The following PRAG1 variants were observed in gnomAD, a reference collection of about 807,000 sequenced individuals.
PRAG1 encodes the protein PEAK1 related, kinase-activating pseudokinase 1, also known as inactive tyrosine-protein kinase PRAG1.
In PRAG1, 110 loss-of-function variants were observed where a neutral mutation model predicts 95.6. That is an observed-to-expected ratio of 1.15 (90% confidence interval 0.99 to 1.35). The LOEUF (loss-of-function observed/expected upper bound fraction) is 1.35. Among genes scored for constraint, PRAG1 ranks in the 40% most tolerant of loss-of-function variants. The pLI is 0.00. For synonymous variants in PRAG1, 1,052 were observed against 819.4 expected, an observed-to-expected ratio of 1.28 and a Z score of -4.85; for missense variants, 2,554 against 1,864.7, an observed-to-expected ratio of 1.37 and a Z score of -6.81.
intron 3 of PRAG1, among the ~76,000 whole-genome samples, chr8:8,350,458 G>T (rs996256473): frequency 6.6e-6 from 1 of 152,206 alleles, no homozygotes; most frequent in East Asian, 1.9e-4. Flanking sequence ...GGAGCAGATG[G>T]GAAGAAAAGG....
chr8:8,333,461 G>C (rs1429053063), intron 4 of PRAG1, among the ~76,000 whole-genome samples: 4 of 152,216 alleles, frequency 2.6e-5, no homozygotes, highest in Non-Finnish European at 5.9e-5. Context: ...AGGTGCACTA[G>C]TTTGGTGTCA....
chr8:8,376,507 A>C lies in PRAG1; in HGVS notation c.1902T>G (p.Ser634Arg). Residue 634 changes from serine (S) to arginine (R), a missense_variant, in exon 3 of 6, where the codon AGT (serine) becomes AGG (arginine). Physicochemically the swap from Ser to Arg is moderately radical, Grantham distance 110 (BLOSUM62 -1). Transcript: ENST00000615670. ...CTTCTTCCTCTATCCGGCACTGACGACTCCAGGTGCCTGCCTGGAACCTGG... is the reference window on the plus strand; with the variant it reads ...CTTCTTCCTCTATCCGGCACTGACGCCTCCAGGTGCCTGCCTGGAACCTGG... ...RRPRFQAGTW[S>R]RQCRIEEEEE... 6.2e-7 allele frequency: 1 copy of C among 1,609,626 alleles called. No individual in the cohort carries two copies. Among genetic ancestry groups the C allele is most frequent in the Non-Finnish European group, 8.5e-7 (1 of 1,177,222 alleles).
At chr8:8,386,297 T>C (rs1173626939) in intron 1 of PRAG1, 24 bp downstream of exon 1, 1 of 152,158 alleles carries the variant, frequency 6.6e-6, no homozygotes, top group Non-Finnish European at 1.5e-5. Context: ...GAGGCCGAAT[T>C]TGGAGAGCGC....
At chr8:8,365,024 A>G (rs764504663) in intron 3 of PRAG1, among the ~76,000 whole-genome samples, 5 of 152,170 alleles carry the variant, frequency 3.3e-5, no homozygotes, top group Non-Finnish European at 5.9e-5. Flanking sequence ...ATTTGAAGAA[A>G]GGATACCAAG....
chr8:8,384,889 C>G (rs984949681), intron 1 of PRAG1, among the ~76,000 whole-genome samples: 5 of 152,170 alleles, frequency 3.3e-5, no homozygotes, highest in African/African-American at 1.2e-4. Context: ...AAGAGCTCAG[C>G]ATTCTTTCTG....
chr8:8,362,884 G>C (rs1799886600), intron 3 of PRAG1, among the ~76,000 whole-genome samples: 1 of 152,112 alleles, frequency 6.6e-6, no homozygotes, highest in Non-Finnish European at 1.5e-5. Flanking sequence ...GGTAAAGACT[G>C]TGCAGAACAA....
intron 4 of PRAG1, among the ~76,000 whole-genome samples, chr8:8,329,621 C>G (rs1798756244): frequency 6.6e-6 from 1 of 152,158 alleles, no homozygotes; most frequent in African/African-American, 2.4e-5. Context: ...AGTCTTGTGT[C>G]ACCTCACTCA....
chr8:8,345,086 TGTGTG>T (rs1799290926), intron 3 of PRAG1, among the ~76,000 whole-genome samples: 1 of 150,062 alleles, frequency 6.7e-6, no homozygotes, highest in African/African-American at 2.5e-5. Context: ...TGTGTGTGTG[TGTGTG>T]TTAGGGAGGA....
chr8:8,348,303 T>C (rs951486256), intron 3 of PRAG1, among the ~76,000 whole-genome samples: 1 of 152,204 alleles, frequency 6.6e-6, no homozygotes, highest in South Asian at 2.1e-4. Context: ...GAAAGAGCCC[T>C]ACCTGGCACT....
intron 4 of PRAG1, among the ~76,000 whole-genome samples, chr8:8,328,772 G>C (rs1006820464): frequency 6.7e-6 from 1 of 150,028 alleles, no homozygotes; most frequent in Non-Finnish European, 1.5e-5. Context: ...GCCTGCACGC[G>C]TGCGCACACA....
intron 3 of PRAG1, among the ~76,000 whole-genome samples, chr8:8,351,691 C>G (rs979339433): frequency 6.6e-6 from 1 of 152,168 alleles, no homozygotes; most frequent in African/African-American, 2.4e-5. Flanking sequence ...TATTCCTCAG[C>G]TAATCAGGTT....
rs776148742 is a variant in PRAG1 at position 8,377,725 on chromosome 8, C to T, written c.684G>A (p.Leu228=). The part of the protein sequence containing the change: ...TSGCHQGPGP[L]RESLPSEDDS... The stretch of plus-strand genomic sequence containing the variant: ...CATCCTCCGAGGGCAGGGATTCCCG[C>T]AGGGGCCCAGGGCCCTGGTGACAGC... The change falls in exon 3 of 6, where the codon CTG becomes CTA. Residue 228 remains leucine, a synonymous_variant. Transcript: ENST00000615670. 2.2e-5 allele frequency: 36 copies of T among 1,613,798 alleles called. No homozygotes were observed. Among genetic ancestry groups the T allele is most frequent in the South Asian group, 5.5e-5 (5 of 91,084 alleles).
chr8:8,373,454 A>ATTTTTTTTTTTT (rs796490286), intron 3 of PRAG1, among the ~76,000 whole-genome samples: 3,832 of 137,556 alleles, frequency 0.028, 114 homozygotes, highest in Middle Eastern at 0.053. Context: ...TATTTTCTAG[A>ATTTTTTTTTTTT]TTTTTTTTTT....
In PRAG1 at chr8:8,380,686, C is replaced by G. The variant is rs1347420574; in HGVS notation, c.330+732G>C. Among the ~76,000 whole-genome samples, 7 of 151,820 alleles carry G rather than the reference C, an allele frequency of 4.6e-5. No homozygotes were observed. The East Asian group carries it at 1.4e-3, about 29-fold the overall frequency. ...CTGGCCAACGTGGTGAAACCCATCT[C>G]TACTAAAAATACAAAAATTAGCTGG... On this transcript the variant is annotated intron_variant, in intron 2 of 5. Transcript: ENST00000615670.
chr8:8,381,152 G>C (rs530251914), intron 2 of PRAG1, among the ~76,000 whole-genome samples: 1 of 152,032 alleles, frequency 6.6e-6, no homozygotes, highest in Non-Finnish European at 1.5e-5. Context: ...TTTTAAAAAA[G>C]CTTCATTTTT....
At chr8:8,354,573 T>C (rs919454946) in intron 3 of PRAG1, among the ~76,000 whole-genome samples, 7 of 152,166 alleles carry the variant, frequency 4.6e-5, no homozygotes, top group African/African-American at 1.7e-4. Context: ...ATTCAAAAGA[T>C]TACGTAATGT....
intron 3 of PRAG1, among the ~76,000 whole-genome samples, chr8:8,340,781 C>T (rs28534996): frequency 0.057 from 8,748 of 152,222 alleles, 532 homozygotes; most frequent in African/African-American, 0.15. Flanking sequence ...CTTGAAAACA[C>T]GTCCCTCTCC....
chr8:8,338,198 T>A (rs1456197907), intron 4 of PRAG1, among the ~76,000 whole-genome samples: 1 of 152,204 alleles, frequency 6.6e-6, no homozygotes, highest in Non-Finnish European at 1.5e-5. Context: ...CCATATCCCA[T>A]CCACCCATGT....
At chr8:8,359,877 T>G (rs1411655264) in intron 3 of PRAG1, among the ~76,000 whole-genome samples, 1 of 152,168 alleles carries the variant, frequency 6.6e-6, no homozygotes, top group Admixed American at 6.5e-5. Flanking sequence ...ACTAACAAAT[T>G]GGTTCCTGCT....
Sources: allele counts gnomAD v4.1 joint callset (sites outside exome capture counted in the v4.1 genomes callset), GRCh38; gene constraint gnomAD v4.1.1; transcripts MANE v1.5; gene names NCBI Gene and HGNC (gene_info 2026-07-23, HGNC 2026-07-21).